RBFOX2: variants seen among roughly 807,000 people sequenced by gnomAD.
RBFOX2 encodes RNA binding fox-1 homolog 2, also known as RNA binding protein fox-1 homolog 2.
A neutral mutation model predicts 49.1 loss-of-function variants in RBFOX2; 10 were observed. That is an observed-to-expected ratio of 0.20 (90% CI 0.13 to 0.35). RBFOX2 has a LOEUF of 0.35. RBFOX2 is among the 10% of genes least tolerant of loss of function. The pLI, the probability that RBFOX2 is intolerant of heterozygous loss-of-function variation, is 1.00. For missense variants in RBFOX2, 323 were observed against 486.9 expected, an observed-to-expected ratio of 0.66 and a Z score of 3.17; for synonymous variants, 183 against 187.4, an observed-to-expected ratio of 0.98 and a Z score of 0.19.
chr22:35,872,015 A>C (rs2044415735), intron 1 of RBFOX2, among the ~76,000 whole-genome samples: 1 of 152,232 alleles, frequency 6.6e-6, no homozygotes, highest in African/African-American at 2.4e-5. Flanking sequence ...GACAATTTTA[A>C]GCAAGATGAT....
chr22:35,861,767 T>A (rs1389730115), intron 1 of RBFOX2, among the ~76,000 whole-genome samples: 2 of 152,196 alleles, frequency 1.3e-5, no homozygotes, highest in Non-Finnish European at 2.9e-5. Context: ...ATATGATCTA[T>A]CTATTCTAAC....
chr22:35,896,659 C>T (rs1209484524), intron 1 of RBFOX2, among the ~76,000 whole-genome samples: 2 of 152,200 alleles, frequency 1.3e-5, no homozygotes, highest in African/African-American at 4.8e-5. Context: ...TGAACGCATG[C>T]TTTCCGCAGA....
chr22:35,914,052 G>C (rs1022179103), intron 1 of RBFOX2, among the ~76,000 whole-genome samples: 15 of 152,182 alleles, frequency 9.9e-5, no homozygotes, highest in Admixed American at 9.2e-4. Flanking sequence ...AGGATTAAAA[G>C]CTGTGAAGGA....
rs545338343 is a variant in RBFOX2 at position 35,754,855 on chromosome 22, T to C, written c.887+5033A>G. 8.5e-5 allele frequency among the ~76,000 whole-genome samples: 13 copies of C among 152,322 alleles called. No homozygotes were observed. In the South Asian group the frequency reaches 2.5e-3, roughly 29 times the overall value. ...TCTGGGTAAGTCTCTGAGAAATATA[T>C]CTGTAAGTTAGGAGGTTGGACCAAA... On this transcript the variant is annotated intron_variant, in intron 9 of 11. Transcript: ENST00000405409.
intron 1 of RBFOX2, among the ~76,000 whole-genome samples, chr22:35,912,428 C>T (rs1355394943): frequency 6.6e-6 from 1 of 152,162 alleles, no homozygotes; most frequent in Non-Finnish European, 1.5e-5. Context: ...AAAATTCTTC[C>T]ACCTTTTCCA....
At chr22:35,859,773 G>C (rs1483579818) in intron 1 of RBFOX2, among the ~76,000 whole-genome samples, 2 of 152,152 alleles carry the variant, frequency 1.3e-5, no homozygotes, top group Non-Finnish European at 2.9e-5. Context: ...ATGTTGGCCA[G>C]GCTGGTCTCA....
At chr22:36,014,218 T>C (rs1403152326) in intron 1 of RBFOX2, among the ~76,000 whole-genome samples, 1 of 151,846 alleles carries the variant, frequency 6.6e-6, no homozygotes, top group Non-Finnish European at 1.5e-5. Flanking sequence ...GCCTCCTGGG[T>C]TCACGCCATT....
At chr22:35,800,361 C>T (rs1382045889) in intron 2 of RBFOX2, among the ~76,000 whole-genome samples, 1 of 152,180 alleles carries the variant, frequency 6.6e-6, no homozygotes, top group African/African-American at 2.4e-5. Context: ...TTTACTTGCT[C>T]AAAATCTTTA....
At chr22:35,797,283 C>G (rs1368977589) in intron 2 of RBFOX2, among the ~76,000 whole-genome samples, 1 of 152,064 alleles carries the variant, frequency 6.6e-6, no homozygotes, top group Non-Finnish European at 1.5e-5. Flanking sequence ...ATGCATAAAA[C>G]TGAATATTAT....
At position 35,744,321 on chromosome 22, in the gene RBFOX2, C is replaced by T. The variant is rs896209655; in HGVS notation, c.1050-72G>A. 10 of 1,386,152 alleles carry T rather than the reference C, an allele frequency of 7.2e-6. No individual in the cohort carries two copies. The African/African-American group carries it at 1.2e-4, about 16-fold the overall frequency. The allele number at this position is 1,386,152 out of a possible 1,614,324, so 85.9% of individuals were successfully genotyped here. On this transcript the variant is annotated intron_variant, in intron 11 of 11. Coordinates refer to ENST00000405409, the Ensembl canonical transcript of RBFOX2. The stretch of plus-strand genomic sequence containing the variant: ...AGCATTAACAGTGAAGAAAAATGTC[C>T]AGAGAGGGATCTAGAAACAGCCTGC...
intron 1 of RBFOX2, among the ~76,000 whole-genome samples, chr22:35,878,038 C>CACACA (rs1417312964): frequency 3.0e-4 from 23 of 76,368 alleles, no homozygotes; most frequent in Non-Finnish European, 2.4e-4. Flanking sequence ...ACTACTACTA[C>CACACA]TACACACACA....
At chr22:35,841,306 T>A (rs1202733403), upstream of RBFOX2, among the ~76,000 whole-genome samples, 1 of 152,196 alleles carries the variant, frequency 6.6e-6, no homozygotes, top group Non-Finnish European at 1.5e-5. Context: ...TAGTAATTGT[T>A]ATAGAATGCT....
chr22:35,802,006 G>A (rs138733092), intron 2 of RBFOX2, among the ~76,000 whole-genome samples: 16 of 152,176 alleles, frequency 1.1e-4, no homozygotes, highest in African/African-American at 3.4e-4. Context: ...TTTTGGCAGC[G>A]ATAAACTTAT....
At chr22:35,984,253 G>A (rs185212043) in intron 1 of RBFOX2, among the ~76,000 whole-genome samples, 48 of 152,296 alleles carry the variant, frequency 3.2e-4, no homozygotes, top group Non-Finnish European at 4.3e-4. Flanking sequence ...ATTGGTCTGG[G>A]TAGGGTATGG....
At position 36,018,917 on chromosome 22, in the gene RBFOX2, T is replaced by C. The variant is rs201570512; in HGVS notation, c.186+9323A>G. Among the ~76,000 whole-genome samples the C allele has an allele frequency of 1.8e-4, 28 of 152,256 alleles. No homozygotes were observed. In the East Asian group the frequency reaches 4.4e-3, roughly 24 times the overall value. ...GCATGAGCCACCGCACCTGGCCAGA[T>C]TGGCTCTTTTAGATAGATCACTGTG... On this transcript the variant is annotated intron_variant, in intron 1 of 13. Coordinates refer to the RBFOX2 transcript ENST00000438146.
upstream of RBFOX2, among the ~76,000 whole-genome samples, chr22:35,844,525 C>T (rs1015815984): frequency 5.9e-5 from 9 of 152,016 alleles, no homozygotes; most frequent in East Asian, 1.9e-4. Context: ...GGTGGAGTCT[C>T]GCTCTGTTGC....
intron 1 of RBFOX2, among the ~76,000 whole-genome samples, chr22:35,921,974 T>C (rs1363947560): frequency 6.6e-6 from 1 of 152,168 alleles, no homozygotes; most frequent in Non-Finnish European, 1.5e-5. Flanking sequence ...AGAGTCCCAC[T>C]AGTGTGACTC....
intron 4 of RBFOX2, among the ~76,000 whole-genome samples, chr22:35,769,030 A>T (rs1453854252): frequency 6.6e-6 from 1 of 152,218 alleles, no homozygotes; most frequent in Non-Finnish European, 1.5e-5. Context: ...GTGGTCAATT[A>T]TAACTTTTCT....
At chr22:36,024,541 G>C (rs1456214099) in intron 1 of RBFOX2, among the ~76,000 whole-genome samples, 1 of 152,000 alleles carries the variant, frequency 6.6e-6, no homozygotes, top group African/African-American at 2.4e-5. Context: ...AGGAGTTCGA[G>C]ACCAGCCTGG....
Sources: allele counts gnomAD v4.1 joint callset (sites outside exome capture counted in the v4.1 genomes callset), GRCh38; gene constraint gnomAD v4.1.1; transcripts MANE v1.5; gene names NCBI Gene and HGNC (gene_info 2026-07-23, HGNC 2026-07-21).